The following EYA1 variants were observed in gnomAD, a reference collection of about 807,000 sequenced individuals.
EYA1 encodes the protein protein phosphatase EYA1.
EYA1 carries 16 observed loss-of-function variants against 82.0 expected under a neutral mutation model. That is an observed-to-expected ratio of 0.20 (90% confidence interval 0.13 to 0.30). EYA1 has a LOEUF of 0.30. Among genes scored for constraint, EYA1 ranks in the 10% least tolerant of loss-of-function variants. EYA1 has a pLI of 1.00. For missense variants in EYA1, 633 were observed against 730.7 expected, an observed-to-expected ratio of 0.87 and a Z score of 1.54; for synonymous variants, 261 against 264.4, an observed-to-expected ratio of 0.99 and a Z score of 0.12.
At chr8:71,455,677 T>C (rs1011336157) in intron 2 of EYA1, among the ~76,000 whole-genome samples, 64 of 152,284 alleles carry the variant, frequency 4.2e-4, no homozygotes, top group African/African-American at 1.5e-3. Context: ...ATTCAACATA[T>C]GCAGAAAAGG....
chr8:71,517,897 G>T (rs1253339923), intron 2 of EYA1, among the ~76,000 whole-genome samples: 1 of 151,374 alleles, frequency 6.6e-6, no homozygotes, highest in Non-Finnish European at 1.5e-5. Flanking sequence ...AAATATACAG[G>T]ATAAAGCACA....
chr8:71,430,665 A>G (rs1805549698), intron 2 of EYA1, among the ~76,000 whole-genome samples: 1 of 152,206 alleles, frequency 6.6e-6, no homozygotes, highest in Admixed American at 6.5e-5. Context: ...GAGCCAGCCC[A>G]TCTGGGATGC....
chr8:71,452,767 G>T (rs570226858), intron 2 of EYA1, among the ~76,000 whole-genome samples: 119 of 152,240 alleles, frequency 7.8e-4, no homozygotes, highest in African/African-American at 2.7e-3. Context: ...AACCCAATTT[G>T]CACGTCACCA....
chr8:71,388,069 C>G (rs1392906027), intron 2 of EYA1, among the ~76,000 whole-genome samples: 1 of 152,144 alleles, frequency 6.6e-6, no homozygotes, highest in Non-Finnish European at 1.5e-5. Flanking sequence ...TCATTATATT[C>G]TACCCATCTT....
At chr8:71,451,530 G>T (rs747697327) in intron 2 of EYA1, among the ~76,000 whole-genome samples, 2 of 151,976 alleles carry the variant, frequency 1.3e-5, no homozygotes, top group Non-Finnish European at 2.9e-5. Flanking sequence ...TCTGGTTATA[G>T]GTTTATGGGG....
rs772006212 is a variant in EYA1 at position 71,322,283 on chromosome 8, C to A, written c.203-15G>T. 1.9e-6 allele frequency: 3 copies of A among 1,610,462 alleles called. No individual in the cohort carries two copies. Among genetic ancestry groups the A allele is most frequent in the Non-Finnish European group, 2.5e-6 (3 of 1,176,926 alleles). On this transcript the variant is annotated splice_polypyrimidine_tract_variant and intron_variant, in intron 4 of 17. Coordinates refer to ENST00000340726, the MANE Select transcript of EYA1 (RefSeq NM_000503.6). Reference sequence around the variant, plus strand: ...GCTCCCAATTGCTGGAAAACAAAAACAAAACAAAATAATGCACAATAATCC... The same window carrying A: ...GCTCCCAATTGCTGGAAAACAAAAAAAAAACAAAATAATGCACAATAATCC...
intron 3 of EYA1, among the ~76,000 whole-genome samples, chr8:71,338,116 G>A (rs1824710168): frequency 6.7e-6 from 1 of 148,522 alleles, no homozygotes; most frequent in East Asian, 1.9e-4. Flanking sequence ...AATGTATCAT[G>A]AACTTCACAT....
intron 12 of EYA1, among the ~76,000 whole-genome samples, chr8:71,226,278 T>C (rs2128873758): frequency 6.6e-6 from 1 of 152,170 alleles, no homozygotes; most frequent in South Asian, 2.1e-4. Context: ...AAATAAGACA[T>C]CATTATATCA....
At position 71,511,054 on chromosome 8, in the gene EYA1, A is replaced by G. The variant is rs547823310; in HGVS notation, c.33+24690T>C. Reference sequence around the variant, plus strand: ...TCTGACCCCAGCTTAAGTCATCTTCATATCACACCTATTACTGTAAGAGTC... The same window carrying G: ...TCTGACCCCAGCTTAAGTCATCTTCGTATCACACCTATTACTGTAAGAGTC... On this transcript the variant is annotated intron_variant, in intron 2 of 18. Coordinates refer to the EYA1 transcript ENST00000643681. Among the ~76,000 whole-genome samples the G allele has an allele frequency of 7.9e-5, 12 of 152,154 alleles. No individual in the cohort carries two copies. In the South Asian group the frequency reaches 2.5e-3, roughly 32 times the overall value.
chr8:71,481,940 TA>T (rs1332924173), intron 2 of EYA1, among the ~76,000 whole-genome samples: 1 of 152,148 alleles, frequency 6.6e-6, no homozygotes, highest in Non-Finnish European at 1.5e-5. Flanking sequence ...TCAAACAAAG[TA>T]GCTTCCATTC....
chr8:71,531,270 T>C (rs1425010176), intron 2 of EYA1: 2 of 152,064 alleles, frequency 1.3e-5, no homozygotes, highest in Non-Finnish European at 2.9e-5. Context: ...ACCTACAAAA[T>C]TGTGATTTTA....
chr8:71,364,912 G>A (rs1268358726), upstream of EYA1, among the ~76,000 whole-genome samples: 6 of 133,510 alleles, frequency 4.5e-5, no homozygotes, highest in Non-Finnish European at 9.3e-5. Context: ...TTTAGGTTAA[G>A]GGCATGATCA....
At chr8:71,253,526 A>G (rs147887113) in intron 11 of EYA1, among the ~76,000 whole-genome samples, 1 of 152,286 alleles carries the variant, frequency 6.6e-6, no homozygotes, top group Non-Finnish European at 1.5e-5. Flanking sequence ...TTAGCATGTT[A>G]GATTGTATAT....
At chr8:71,250,141 C>T (rs549029214) in intron 11 of EYA1, among the ~76,000 whole-genome samples, 150 of 152,092 alleles carry the variant, frequency 9.9e-4, no homozygotes, top group Non-Finnish European at 1.8e-3. Flanking sequence ...TCCAGCCTCT[C>T]ATCTCTTTCA....
At chr8:71,244,808 A>C in intron 11 of EYA1, 116 bp from the exon 12 acceptor site, 1 of 664,144 alleles carries the variant, frequency 1.5e-6, no homozygotes, top group Non-Finnish European at 2.7e-6. Flanking sequence ...ACACAGAGAG[A>C]GACTTGGGCA....
chr8:71,329,944 G>C (rs1334923067), intron 4 of EYA1, among the ~76,000 whole-genome samples: 1 of 152,196 alleles, frequency 6.6e-6, no homozygotes, highest in African/African-American at 2.4e-5. Context: ...CAAGTGGTCA[G>C]GGTGGGCCTC....
At chr8:71,307,885 A>T (rs1045582806) in intron 7 of EYA1, among the ~76,000 whole-genome samples, 1 of 152,242 alleles carries the variant, frequency 6.6e-6, no homozygotes, top group Non-Finnish European at 1.5e-5. Flanking sequence ...CATAGCTCAG[A>T]CATTGGCATA....
intron 12 of EYA1, among the ~76,000 whole-genome samples, chr8:71,220,966 A>G (rs189551517): frequency 6.6e-6 from 1 of 152,346 alleles, no homozygotes; most frequent in Non-Finnish European, 1.5e-5. Flanking sequence ...AGGCACTTAC[A>G]TGGTTATGGG....
chr8:71,458,740 T>C (rs1488500095), intron 2 of EYA1, among the ~76,000 whole-genome samples: 1 of 152,136 alleles, frequency 6.6e-6, no homozygotes, highest in Non-Finnish European at 1.5e-5. Flanking sequence ...GTGGGGTAGA[T>C]CAGGCTTACA....
Sources: gnomAD v4.1 joint callset for allele counts (sites outside exome capture counted in the v4.1 genomes callset) on GRCh38, gnomAD v4.1.1 for gene constraint, MANE v1.5 for transcripts, NCBI Gene and HGNC (gene_info 2026-07-23, HGNC 2026-07-21) for gene names.